The following NUBPL variants were observed in gnomAD, a reference collection of about 807,000 sequenced individuals.
NUBPL encodes the protein iron-sulfur cluster transfer protein NUBPL.
In NUBPL, 31 loss-of-function variants were observed where a neutral mutation model predicts 45.7. The observed-to-expected ratio is 0.68, with a 90% CI of 0.51 to 0.92. The LOEUF (loss-of-function observed/expected upper bound fraction) is 0.92, where lower values mean the gene tolerates loss of function less well. Among genes scored for constraint, NUBPL ranks in the 40% least tolerant of loss-of-function variants. The probability of loss-of-function intolerance (pLI) is 0.00; values close to 1 mark genes in which losing one functional copy is unlikely to be tolerated. For missense variants in NUBPL, 401 were observed against 398.7 expected (o/e 1.01, Z -0.05); for synonymous variants, 144 against 140.9 (o/e 1.02, Z -0.15).
chr14:31,564,991 A>G, intron 2 of NUBPL, 23 bp from the exon 3 acceptor site: 1 of 1,433,764 alleles, frequency 7.0e-7, no homozygotes. Context: ...ACTAAATTCA[A>G]TTACTTTTTT....
At chr14:31,591,728 G>A (rs1194120606) in intron 3 of NUBPL, among the ~76,000 whole-genome samples, 1 of 152,060 alleles carries the variant, frequency 6.6e-6, no homozygotes, top group Non-Finnish European at 1.5e-5. Context: ...AAGTATTAGT[G>A]TAGAAGTATT....
At chr14:31,674,716 A>T (rs2036651618) in intron 6 of NUBPL, among the ~76,000 whole-genome samples, 1 of 152,178 alleles carries the variant, frequency 6.6e-6, no homozygotes, top group Non-Finnish European at 1.5e-5. Context: ...TACCTTCACA[A>T]CACTTCAGTC....
chr14:31,602,175 T>G (rs1439177705), intron 4 of NUBPL, among the ~76,000 whole-genome samples: 1 of 148,300 alleles, frequency 6.7e-6, no homozygotes, highest in Non-Finnish European at 1.5e-5. Context: ...CACTCATAGG[T>G]GGGAATTGAA....
rs185838426 is a variant in NUBPL, at chr14:31,673,037, G to A, written c.383-318G>A. 1.1e-3 allele frequency among the ~76,000 whole-genome samples: 162 copies of A among 152,260 alleles called. 2 individuals are homozygous for A. In the Middle Eastern group the frequency reaches 0.024, roughly 22 times the overall value. ...GGAATAAGTTCTAGTGATCTGTTGCGCAGCATGGTGACTATTGTTAACAAT... is the reference window on the plus strand; with the variant it reads ...GGAATAAGTTCTAGTGATCTGTTGCACAGCATGGTGACTATTGTTAACAAT... On this transcript the variant is annotated intron_variant, in intron 4 of 10. Coordinates refer to ENST00000281081, the MANE Select transcript of NUBPL (RefSeq NM_025152.3).
At chr14:31,787,404 C>T (rs2039303632) in intron 6 of NUBPL, among the ~76,000 whole-genome samples, 1 of 151,886 alleles carries the variant, frequency 6.6e-6, no homozygotes, top group South Asian at 2.1e-4. Flanking sequence ...ATTATATTAG[C>T]ATGGGAAATG....
chr14:31,705,545 T>C (rs2139907115), intron 6 of NUBPL, among the ~76,000 whole-genome samples: 1 of 152,216 alleles, frequency 6.6e-6, no homozygotes, highest in African/African-American at 2.4e-5. Flanking sequence ...GATTGGTGCA[T>C]TTACAATCCT....
At chr14:31,802,349 C>T (rs937688493) in intron 7 of NUBPL, among the ~76,000 whole-genome samples, 50 of 151,878 alleles carry the variant, frequency 3.3e-4, no homozygotes, top group South Asian at 2.1e-3. Flanking sequence ...GATCTTGGCT[C>T]ACTGCAGTCT....
chr14:31,742,237 T>TGTACACAC (rs528801796), intron 6 of NUBPL, among the ~76,000 whole-genome samples: 1 of 141,382 alleles, frequency 7.1e-6, no homozygotes, highest in Non-Finnish European at 1.5e-5. Flanking sequence ...AACTATTGTG[T>TGTACACAC]ACACACACAC....
chr14:31,561,570 G>A (rs774741660), intron 1 of NUBPL, 23 bp downstream of exon 1: 13 of 1,339,382 alleles, frequency 9.7e-6, no homozygotes, highest in Non-Finnish European at 1.3e-5. Flanking sequence ...GCAGGGCAGG[G>A]GGAAGCGGGC....
rs940802519 is a variant in NUBPL, at chr14:31,859,357, A to G, written c.*177A>G. On this transcript the variant is annotated 3_prime_UTR_variant, in exon 11 of 11. Coordinates refer to ENST00000281081, the MANE Select transcript of NUBPL (RefSeq NM_025152.3). ...AGGTTCACAAAACTTTGATGTATCA[A>G]TGTTAACTGCTATATTTAGGAATTT... The G allele has an allele frequency of 4.7e-6, 3 of 644,164 alleles. No homozygotes were observed. The highest frequency in any genetic ancestry group is 8.4e-6 in the Non-Finnish European group (3 of 356,672). The allele number at this position is 644,164 out of a possible 1,614,324, so 39.9% of individuals were successfully genotyped here.
chr14:31,609,147 A>G (rs551359148), intron 4 of NUBPL, among the ~76,000 whole-genome samples: 1 of 152,254 alleles, frequency 6.6e-6, no homozygotes, highest in African/African-American at 2.4e-5. Context: ...ATAAAAAAAA[A>G]CAAGACCCAT....
intron 7 of NUBPL, among the ~76,000 whole-genome samples, chr14:31,814,448 G>T (rs1333112388): frequency 1.3e-5 from 2 of 152,038 alleles, no homozygotes; most frequent in Non-Finnish European, 2.9e-5. Context: ...ATGTCAGATG[G>T]ATAGATTGCA....
intron 4 of NUBPL, among the ~76,000 whole-genome samples, chr14:31,625,895 T>C (rs2035192806): frequency 6.6e-6 from 1 of 152,156 alleles, no homozygotes; most frequent in Non-Finnish European, 1.5e-5. Context: ...CTTCCAGTCT[T>C]TCTATGATGT....
chr14:31,599,398 A>G lies in NUBPL; in HGVS notation c.382+19A>G, dbSNP rs748901975. 11 of 1,512,974 alleles carry G rather than the reference A, an allele frequency of 7.3e-6. No homozygotes were observed. In the East Asian group the frequency reaches 2.5e-4, roughly 34 times the overall value. The allele number at this position is 1,512,974 out of a possible 1,614,324, so 93.7% of individuals were successfully genotyped here. On this transcript the variant is annotated intron_variant, in intron 4 of 10. Coordinates refer to ENST00000281081, the MANE Select transcript of NUBPL (RefSeq NM_025152.3). ...TCACAGAGTAAGTAAAGAAGGGATA[A>G]ATATTATAATAATAGTTGCACTTTT...
chr14:31,681,265 T>C (rs1016639770), intron 6 of NUBPL, among the ~76,000 whole-genome samples: 1 of 152,056 alleles, frequency 6.6e-6, no homozygotes, highest in Non-Finnish European at 1.5e-5. Flanking sequence ...TTTATCTTGT[T>C]TTAATTATGT....
intron 4 of NUBPL, among the ~76,000 whole-genome samples, chr14:31,606,201 G>A (rs925436364): frequency 9.5e-5 from 14 of 146,848 alleles, no homozygotes; most frequent in Non-Finnish European, 5.9e-5. Context: ...TCAAGTGACT[G>A]TCCCTCCTCA....
chr14:31,662,069 A>G (rs952161406), intron 4 of NUBPL: 1 of 151,870 alleles, frequency 6.6e-6, no homozygotes. Context: ...AATTTTCCGT[A>G]TCATCCTTCT....
rs11156711 is a variant in NUBPL at position 31,810,925 on chromosome 14, A to G, written c.608-15704A>G. 6.3e-4 allele frequency among the ~76,000 whole-genome samples: 96 copies of G among 152,330 alleles called. 1 individual carries two copies. In the South Asian group the frequency reaches 0.017, roughly 27 times the overall value. ...ATTCTGGGTTGAAAATTCTTTTCTT[A>G]AAGAATGTTGAATATTGGCCCCCAC... On this transcript the variant is annotated intron_variant, in intron 7 of 10. Coordinates refer to ENST00000281081, the MANE Select transcript of NUBPL (RefSeq NM_025152.3).
At chr14:31,585,748 A>G (rs754974895) in intron 3 of NUBPL, among the ~76,000 whole-genome samples, 7 of 152,172 alleles carry the variant, frequency 4.6e-5, no homozygotes, top group Non-Finnish European at 8.8e-5. Flanking sequence ...ATGGTTATGA[A>G]GGGTTATCTT....
Sources: allele counts gnomAD v4.1 joint callset (sites outside exome capture counted in the v4.1 genomes callset), GRCh38; gene constraint gnomAD v4.1.1; transcripts MANE v1.5; gene names NCBI Gene and HGNC (gene_info 2026-07-23, HGNC 2026-07-21).